Variants in UVSSA observed in about 807,000 individuals in gnomAD.
The protein encoded by UVSSA is UV-stimulated scaffold protein A.
Under a neutral mutation model 73.9 loss-of-function variants are expected in UVSSA, and 72 were observed. The ratio of observed to expected loss-of-function variants is 0.97; its 90% CI spans 0.81 to 1.19. The LOEUF is 1.19. UVSSA is among the 50% of genes most tolerant of loss of function. UVSSA has a pLI of 0.00. For synonymous variants in UVSSA, 454 were observed against 391.3 expected (o/e 1.16, Z -1.89); for missense variants, 1,150 against 965.0 (o/e 1.19, Z -2.54).
intron 12 of UVSSA, 69 bp downstream of exon 12, chr4:1,381,057 T>C: frequency 1.4e-6 from 2 of 1,465,290 alleles, no homozygotes; most frequent in Non-Finnish European, 1.9e-6. Context: ...TGGCCCGGGG[T>C]GTGTCTGCAG....
intron 7 of UVSSA, among the ~76,000 whole-genome samples, chr4:1,362,613 C>A (rs1002073543): frequency 6.6e-6 from 1 of 152,236 alleles, no homozygotes; most frequent in African/African-American, 2.4e-5. Context: ...CCAGAGCCCC[C>A]CCGCACCGGT....
chr4:1,395,300 CGT>C, exon 14 of UVSSA: 1 of 1,552,042 alleles, frequency 6.4e-7, no homozygotes, highest in East Asian at 2.4e-5. Context: ...CCTGCTCACA[CGT>C]GCCCATGTGG....
At chr4:1,344,096 C>T (rs1294988805), upstream of UVSSA, among the ~76,000 whole-genome samples, 1 of 151,782 alleles carries the variant, frequency 6.6e-6, no homozygotes, top group Admixed American at 6.6e-5. Flanking sequence ...CTTCTTTGTG[C>T]CTGTATGTCA....
At chr4:1,375,652 T>C in intron 9 of UVSSA, 144 bp downstream of exon 9, 1 of 1,317,032 alleles carries the variant, frequency 7.6e-7, no homozygotes, top group Non-Finnish European at 1.0e-6. Flanking sequence ...CCCGGCCGGG[T>C]GAGCAGTGTT....
At position 1,386,370 on chromosome 4, in the gene UVSSA, C is replaced by T. The variant is rs78986148; in HGVS notation, c.*409C>T. ...GAACTCTGGGAAACCCACTTTTGTG[C>T]AAATGCTGTTTTTAACACAAACACA... is the stretch of plus-strand genomic sequence containing the variant. On this transcript the variant is annotated 3_prime_UTR_variant, in exon 14 of 14. Transcript: ENST00000389851. 37 of 178,578 alleles carry T rather than the reference C, an allele frequency of 2.1e-4. No individual in the cohort carries two copies. In the East Asian group the frequency reaches 5.2e-3, roughly 25 times the overall value. 11.1% of individuals were successfully genotyped at this position (178,578 alleles called of 1,614,324 possible).
intron 10 of UVSSA, among the ~76,000 whole-genome samples, chr4:1,378,682 C>G (rs945283330): frequency 6.6e-5 from 10 of 152,216 alleles, no homozygotes; most frequent in Non-Finnish European, 1.3e-4. Flanking sequence ...CACTGCGATC[C>G]ACGGGGCGTC....
chr4:1,395,468 C>T, exon 14 of UVSSA: 1 of 1,556,118 alleles, frequency 6.4e-7, no homozygotes, highest in Non-Finnish European at 8.7e-7. Context: ...ATATGGAGTG[C>T]CCGCCTGCTC....
chr4:1,386,646 C>T lies in UVSSA; in HGVS notation c.*685C>T, dbSNP rs1206457712. 1 of 152,234 alleles carries T rather than the reference C, an allele frequency of 6.6e-6. No individual in the cohort carries two copies. Among genetic ancestry groups the T allele is most frequent in the African/African-American group, 2.4e-5 (1 of 41,442 alleles). The allele number at this position is 152,234 out of a possible 1,614,324, so 9.4% of individuals were successfully genotyped here. A position where few individuals can be genotyped will look rare whatever the true frequency, so the allele number is the denominator to read the frequency against. ...GGCTTACTGGCCATTTGTGTATCTC[C>T]TTTGGAGAGGAGTCTATTCAAACCT... On this transcript the variant is annotated 3_prime_UTR_variant, in exon 14 of 14. Coordinates refer to ENST00000389851, the MANE Select transcript of UVSSA (RefSeq NM_020894.4).
downstream of UVSSA, chr4:1,390,136 C>G (rs1399130087): frequency 1.2e-4 from 18 of 152,116 alleles, no homozygotes; most frequent in Admixed American, 3.3e-4. Flanking sequence ...CACTGATTTA[C>G]TTCATCCCTT....
chr4:1,354,722 T>C lies in UVSSA; in HGVS notation c.935-13T>C. 6.2e-7 allele frequency: 1 copy of C among 1,610,212 alleles called. No homozygotes were observed. The highest frequency in any genetic ancestry group is 8.5e-7 in the Non-Finnish European group (1 of 1,177,612). The stretch of plus-strand genomic sequence containing the variant: ...TCGGCGCCCTCTTGTGACCTCTGTG[T>C]GCTTCTCCCCAGAGGGCCTGAAGGT... On this transcript the variant is annotated splice_polypyrimidine_tract_variant and intron_variant, in intron 5 of 13. Transcript: ENST00000389851.
chr4:1,355,303 A>C, intron 7 of UVSSA, 58 bp downstream of exon 7: 23 of 1,203,026 alleles, frequency 1.9e-5, no homozygotes, highest in Non-Finnish European at 2.4e-5. Context: ...GGGGAGGAGA[A>C]GCTGTGGGGG....
chr4:1,378,689 C>T (rs1001705902), intron 10 of UVSSA, among the ~76,000 whole-genome samples: 1 of 152,200 alleles, frequency 6.6e-6, no homozygotes, highest in Non-Finnish European at 1.5e-5. Context: ...ATCCACGGGG[C>T]GTCTCTGGTC....
intron 8 of UVSSA, among the ~76,000 whole-genome samples, chr4:1,367,389 A>G (rs1378792636): frequency 3.3e-5 from 5 of 152,214 alleles, no homozygotes; most frequent in African/African-American, 9.6e-5. Flanking sequence ...GTTGGTTTCA[A>G]TCAGAGTCTG....
rs769715188 is a variant in UVSSA at position 1,349,806 on chromosome 4, C to T, written c.381C>T (p.Ala127=). 5.0e-6 allele frequency: 8 copies of T among 1,585,448 alleles called. No homozygotes were observed. The highest frequency in any genetic ancestry group is 4.5e-5 in the South Asian group (4 of 88,364). ...VEGWNEKFGE[A]YKKLALGYHF... is the part of the protein sequence containing the mutation. ...GGTGGAATGAGAAGTTTGGGGAGGC[C>T]TACAAGAAGCTTGCCTTGGGCTACC... The change falls in exon 3 of 14, where the codon GCC becomes GCT. Residue 127 remains alanine, a synonymous_variant. Coordinates refer to ENST00000389851, the MANE Select transcript of UVSSA (RefSeq NM_020894.4).
chr4:1,378,421 C>T (rs1272427272), intron 10 of UVSSA, among the ~76,000 whole-genome samples: 1 of 152,214 alleles, frequency 6.6e-6, no homozygotes, highest in Non-Finnish European at 1.5e-5. Context: ...GGCGTGGTGG[C>T]GTGCGCCTGT....
At chr4:1,381,329 G>T (rs570515949) in intron 12 of UVSSA, among the ~76,000 whole-genome samples, 1 of 152,376 alleles carries the variant, frequency 6.6e-6, no homozygotes, top group Admixed American at 6.5e-5. Flanking sequence ...TAAGGCGAGA[G>T]AAGTGATTGG....
chr4:1,368,964 C>T (rs1231534306), intron 8 of UVSSA, among the ~76,000 whole-genome samples: 1 of 152,170 alleles, frequency 6.6e-6, no homozygotes, highest in Non-Finnish European at 1.5e-5. Flanking sequence ...CCACGCCTGC[C>T]CCGGTGGAGG....
intron 7 of UVSSA, among the ~76,000 whole-genome samples, chr4:1,355,886 G>C (rs1315693979): frequency 1.3e-5 from 2 of 152,134 alleles, no homozygotes; most frequent in Non-Finnish European, 2.9e-5. Flanking sequence ...GTTCGAGGGT[G>C]GGGGTGCCCA....
chr4:1,346,893 C>T (rs1713762864), upstream of UVSSA, among the ~76,000 whole-genome samples: 1 of 152,262 alleles, frequency 6.6e-6, no homozygotes, highest in African/African-American at 2.4e-5. Context: ...CGTCCCCCTC[C>T]CCACCCCCGG....
Sources: allele counts gnomAD v4.1 joint callset (sites outside exome capture counted in the v4.1 genomes callset), GRCh38; gene constraint gnomAD v4.1.1; transcripts MANE v1.5; gene names NCBI Gene and HGNC (gene_info 2026-07-23, HGNC 2026-07-21).